The following MICU3 variants were observed in gnomAD, a reference collection of about 807,000 sequenced individuals.
The protein encoded by MICU3 is calcium uptake protein 3, mitochondrial.
MICU3 carries 62 observed loss-of-function variants against 66.5 expected under a neutral mutation model. The observed-to-expected ratio is 0.93, with a 90% CI of 0.76 to 1.15. The LOEUF (loss-of-function observed/expected upper bound fraction) is 1.15. Among genes scored for constraint, MICU3 ranks in the 50% most tolerant of loss-of-function variants. The pLI, the probability that MICU3 is intolerant of heterozygous loss-of-function variation, is 0.00. For synonymous variants in MICU3, 308 were observed against 240.7 expected, an observed-to-expected ratio of 1.28 and a Z score of -2.59; for missense variants, 779 against 664.4, an observed-to-expected ratio of 1.17 and a Z score of -1.90.
chr8:17,087,263 T>C (rs73540810), intron 7 of MICU3, among the ~76,000 whole-genome samples: 22,968 of 151,978 alleles, frequency 0.15, 1,872 homozygotes, highest in South Asian at 0.26. Flanking sequence ...ATTAAATCAT[T>C]TTCATCCATA....
At chr8:17,126,493 T>C (rs1195905002), downstream of MICU3, among the ~76,000 whole-genome samples, 3 of 152,210 alleles carry the variant, frequency 2.0e-5, no homozygotes, top group African/African-American at 7.2e-5. Context: ...TAGTTACACA[T>C]AGTTCTAATA....
chr8:17,055,893 G>A (rs1816845931), intron 1 of MICU3, among the ~76,000 whole-genome samples: 1 of 152,186 alleles, frequency 6.6e-6, no homozygotes, highest in Non-Finnish European at 1.5e-5. Flanking sequence ...TGATCATTGA[G>A]AAGGGAGATG....
intron 2 of MICU3, among the ~76,000 whole-genome samples, chr8:17,065,812 C>G (rs1563319947): frequency 6.6e-6 from 1 of 152,138 alleles, no homozygotes; most frequent in East Asian, 1.9e-4. Context: ...GTAAAGGACT[C>G]TCTTACAATA....
intron 1 of MICU3, among the ~76,000 whole-genome samples, chr8:17,057,082 G>A (rs1817061124): frequency 6.6e-6 from 1 of 152,198 alleles, no homozygotes; most frequent in Non-Finnish European, 1.5e-5. Context: ...ATGAAGTTCT[G>A]TCAGTAAATA....
intron 2 of MICU3, among the ~76,000 whole-genome samples, chr8:17,068,952 T>A (rs1297324025): frequency 6.6e-6 from 1 of 152,186 alleles, no homozygotes; most frequent in Non-Finnish European, 1.5e-5. Context: ...CATTAAATAT[T>A]TACAGTGTTC....
chr8:17,113,165 T>C (rs1323803648), intron 11 of MICU3, among the ~76,000 whole-genome samples: 1 of 152,196 alleles, frequency 6.6e-6, no homozygotes, highest in African/African-American at 2.4e-5. Flanking sequence ...TGAAACTAGA[T>C]CCCTGTGGGG....
chr8:17,112,599 A>G (rs1254802078), intron 11 of MICU3, among the ~76,000 whole-genome samples: 1 of 152,194 alleles, frequency 6.6e-6, no homozygotes, highest in Non-Finnish European at 1.5e-5. Context: ...TCTGAATTTG[A>G]CCTCTTTCCA....
chr8:17,130,504 C>A, the MICU3 span, among the ~76,000 whole-genome samples: 1 of 151,242 alleles, frequency 6.6e-6, no homozygotes, highest in Admixed American at 6.6e-5. Context: ...GGGAGCAAGA[C>A]TCTGTCTCAA....
chr8:17,048,162 C>T (rs903918459), intron 1 of MICU3, among the ~76,000 whole-genome samples: 1 of 151,990 alleles, frequency 6.6e-6, no homozygotes, highest in Non-Finnish European at 1.5e-5. Context: ...AGATAAAAAG[C>T]AAAACCTAGA....
intron 1 of MICU3, among the ~76,000 whole-genome samples, chr8:17,063,697 A>C (rs1818225361): frequency 6.6e-6 from 1 of 152,136 alleles, no homozygotes; most frequent in South Asian, 2.1e-4. Flanking sequence ...ATAGACTTGT[A>C]ATTAAATACA....
At chr8:17,134,682 G>A in the MICU3 span, among the ~76,000 whole-genome samples, 1 of 152,104 alleles carries the variant, frequency 6.6e-6, no homozygotes, top group Non-Finnish European at 1.5e-5. Flanking sequence ...CTGACCTCGT[G>A]ATCCGCCCGC....
downstream of MICU3, among the ~76,000 whole-genome samples, chr8:17,124,617 T>C (rs1803357432): frequency 6.6e-6 from 1 of 151,888 alleles, no homozygotes; most frequent in Admixed American, 6.6e-5. Flanking sequence ...GGTCATCCTG[T>C]TTCTTATCTT....
chr8:17,130,220 T>C, the MICU3 span, among the ~76,000 whole-genome samples: 1 of 152,116 alleles, frequency 6.6e-6, no homozygotes, highest in African/African-American at 2.4e-5. Context: ...TGTTTTCCCT[T>C]AAGTGTATAA....
At chr8:17,058,984 A>G (rs1379657724) in intron 1 of MICU3, among the ~76,000 whole-genome samples, 1 of 152,216 alleles carries the variant, frequency 6.6e-6, no homozygotes, top group African/African-American at 2.4e-5. Flanking sequence ...TAATGTTGGT[A>G]ATCTTCCAAT....
intron 3 of MICU3, among the ~76,000 whole-genome samples, chr8:17,072,826 A>G (rs1224601835): frequency 6.6e-6 from 1 of 152,192 alleles, no homozygotes; most frequent in Non-Finnish European, 1.5e-5. Context: ...GAAATCTGAC[A>G]ATACCCATAA....
intron 1 of MICU3, chr8:17,049,587 C>T (rs770859435): frequency 1.9e-6 from 1 of 518,472 alleles, no homozygotes. Flanking sequence ...GGTAACCTAA[C>T]TAGGAAGGGA....
At chr8:17,052,275 C>A (rs1816225673) in intron 1 of MICU3, among the ~76,000 whole-genome samples, 1 of 152,006 alleles carries the variant, frequency 6.6e-6, no homozygotes, top group African/African-American at 2.4e-5. Context: ...TATTTTGATA[C>A]ATGCATACAG....
chr8:17,070,952 A>G (rs2150674749), intron 3 of MICU3, among the ~76,000 whole-genome samples: 1 of 152,250 alleles, frequency 6.6e-6, no homozygotes. Flanking sequence ...GGGTAAAGGG[A>G]TGATTCACAT....
intron 7 of MICU3, among the ~76,000 whole-genome samples, chr8:17,087,623 C>T (rs1585422628): frequency 1.3e-5 from 2 of 152,040 alleles, no homozygotes; most frequent in African/African-American, 4.8e-5. Flanking sequence ...CAAACAGGTA[C>T]TAAGACCTTA....
Sources: gnomAD v4.1 joint callset for allele counts (sites outside exome capture counted in the v4.1 genomes callset) on GRCh38, gnomAD v4.1.1 for gene constraint, MANE v1.5 for transcripts, NCBI Gene and HGNC (gene_info 2026-07-23, HGNC 2026-07-21) for gene names.